PIH1D2: variants seen among roughly 807,000 people sequenced by gnomAD.
PIH1D2 encodes PIH1 domain containing 2.
PIH1D2 carries 25 observed loss-of-function variants against 31.2 expected under a neutral mutation model. The ratio of observed to expected loss-of-function variants is 0.80; its 90% confidence interval spans 0.58 to 1.12. The LOEUF (loss-of-function observed/expected upper bound fraction) is 1.12, where lower values mean the gene tolerates loss of function less well. Ranked by LOEUF, PIH1D2 falls within the 50% of genes most tolerant of loss-of-function variation. The pLI, the probability that PIH1D2 is intolerant of heterozygous loss-of-function variation, is 0.00. For synonymous variants in PIH1D2, 116 were observed against 119.9 expected (o/e 0.97, Z 0.21); for missense variants, 310 against 356.6 (o/e 0.87, Z 1.05).
chr11:112,070,944 C>T, intron 4 of PIH1D2, 94 bp downstream of exon 4: 1 of 1,388,416 alleles, frequency 7.2e-7, no homozygotes, highest in Non-Finnish European at 9.6e-7. Context: ...AGTTTTTCAC[C>T]TTTTAAAATA....
chr11:112,064,292 CTA>C (rs1272208606), downstream of PIH1D2: 32 of 1,317,282 alleles, frequency 2.4e-5, no homozygotes, highest in Non-Finnish European at 2.9e-5. Context: ...GAGCTATAAT[CTA>C]AATCGATTCA....
chr11:112,064,209 G>A, downstream of PIH1D2: 1 of 1,565,818 alleles, frequency 6.4e-7, no homozygotes, highest in Non-Finnish European at 8.6e-7. Context: ...AATGCTTGTG[G>A]TTCTGTTGTT....
downstream of PIH1D2, among the ~76,000 whole-genome samples, chr11:112,058,600 C>T (rs1206398643): frequency 1.5e-4 from 5 of 34,320 alleles, no homozygotes; most frequent in African/African-American, 4.5e-4. Context: ...TTGTGAACTT[C>T]AGTTGGGGTG....
At position 112,067,842 on chromosome 11, in the gene PIH1D2, G is replaced by A. The variant is rs1336291177; in HGVS notation, c.*29C>T. The A allele has an allele frequency of 1.2e-6, 2 of 1,609,984 alleles. No individual in the cohort carries two copies. The highest frequency in any genetic ancestry group is 1.7e-6 in the Non-Finnish European group (2 of 1,178,896). On this transcript the variant is annotated 3_prime_UTR_variant, in exon 6 of 6. Coordinates refer to ENST00000280350, the MANE Select transcript of PIH1D2 (RefSeq NM_138789.4). ...CTTTAATTCACATGACTTTAGCACT[G>A]AAAACCCAAAACATATGATGCTCTT...
intron 5 of PIH1D2, among the ~76,000 whole-genome samples, chr11:112,068,217 A>G (rs587686903): frequency 6.6e-6 from 1 of 152,334 alleles, no homozygotes; most frequent in East Asian, 1.9e-4. Flanking sequence ...GTACCACAGT[A>G]GAGTGTTGCC....
At chr11:112,065,992 T>C (rs1864911953), downstream of PIH1D2, among the ~76,000 whole-genome samples, 1 of 151,128 alleles carries the variant, frequency 6.6e-6, no homozygotes, top group Admixed American at 6.6e-5. Context: ...AGCGAGACTC[T>C]GTCAAAAAAA....
downstream of PIH1D2, among the ~76,000 whole-genome samples, chr11:112,059,309 G>C (rs1468047772): frequency 6.6e-6 from 1 of 151,478 alleles, no homozygotes; most frequent in Non-Finnish European, 1.5e-5. Flanking sequence ...GATGTTAGAC[G>C]ATATGTGCGA....
downstream of PIH1D2, among the ~76,000 whole-genome samples, chr11:112,065,562 CA>C (rs1555183750): frequency 6.6e-6 from 1 of 151,780 alleles, no homozygotes; most frequent in East Asian, 1.9e-4. Context: ...GATACAGTTC[CA>C]GAAATTTTTC....
the PIH1D2 span, among the ~76,000 whole-genome samples, chr11:112,053,420 A>G: frequency 6.6e-6 from 1 of 152,132 alleles, no homozygotes; most frequent in African/African-American, 2.4e-5. Flanking sequence ...GTCAGTTCCC[A>G]GGAGGCAAAC....
intron 5 of PIH1D2, 47 bp downstream of exon 5, chr11:112,070,389 G>C: frequency 1.3e-6 from 2 of 1,580,566 alleles, no homozygotes; most frequent in African/African-American, 1.4e-5. Flanking sequence ...ATATATGTTA[G>C]TGAATGCTGG....
At chr11:112,069,675 T>G (rs1357153526) in intron 5 of PIH1D2, 6 of 152,138 alleles carry the variant, frequency 3.9e-5, no homozygotes, top group Non-Finnish European at 8.8e-5. Context: ...AAAATGGAAC[T>G]GGGGAGCTAG....
Position 112,067,888 on chromosome 11 carries a change from T to C in PIH1D2, c.931A>G (p.Thr311Ala), listed in dbSNP as rs1021486443. The change falls in exon 6 of 6, where the codon ACA becomes GCA. Residue 311 changes from threonine (T) to alanine (A), a missense_variant. Thr to Ala is a moderately conservative substitution (Grantham distance 58). Transcript: ENST00000280350. ...FIKEKSTLIITMPLV is the reference protein window; with the variant it reads ...FIKEKSTLIIAMPLV ...CTCTTCTTTCACACCAAAGGCATTG[T>C]GATGATTAGCGTGGATTTTTCTTTG... The C allele has an allele frequency of 1.9e-6, 3 of 1,612,342 alleles. No individual in the cohort carries two copies. The African/African-American group carries it at 4.0e-5, about 22-fold the overall frequency.
At chr11:112,060,198 G>C (rs1445879181), downstream of PIH1D2, 1 of 745,846 alleles carries the variant, frequency 1.3e-6, no homozygotes, top group African/African-American at 2.3e-5. Context: ...GAGTCTCTCT[G>C]TCACCCAGGC....
intron 3 of PIH1D2, 130 bp from the exon 4 acceptor site, chr11:112,071,413 G>T: frequency 7.6e-7 from 1 of 1,314,240 alleles, no homozygotes; most frequent in Non-Finnish European, 1.0e-6. Flanking sequence ...GGTAATCACA[G>T]TAGTGCTACA....
intron 4 of PIH1D2, 51 bp downstream of exon 4, chr11:112,070,987 C>G (rs1865091264): frequency 6.4e-7 from 1 of 1,566,738 alleles, no homozygotes; most frequent in African/African-American, 1.4e-5. Context: ...TATACAGGAT[C>G]CAAAAACATC....
At chr11:112,058,953 A>G (rs1312486161), downstream of PIH1D2, among the ~76,000 whole-genome samples, 1 of 151,946 alleles carries the variant, frequency 6.6e-6, no homozygotes, top group African/African-American at 2.4e-5. Flanking sequence ...GAGTATTTTC[A>G]GTGTTAAAAA....
chr11:112,054,391 G>A, the PIH1D2 span, among the ~76,000 whole-genome samples: 1 of 152,096 alleles, frequency 6.6e-6, no homozygotes, highest in East Asian at 1.9e-4. Context: ...TGTGTGTCCA[G>A]TGTTAATATT....
downstream of PIH1D2, chr11:112,064,358 T>C (rs1158001514): frequency 5.7e-6 from 4 of 698,026 alleles, no homozygotes; most frequent in African/African-American, 5.5e-5. Context: ...TTGGTTCATA[T>C]GATTATTTAA....
downstream of PIH1D2, among the ~76,000 whole-genome samples, chr11:112,066,269 C>G (rs369050271): frequency 1.3e-3 from 199 of 152,286 alleles, no homozygotes; most frequent in Non-Finnish European, 2.1e-3. Flanking sequence ...ATGTACATCA[C>G]TTTTGTACTT....
Sources: allele counts gnomAD v4.1 joint callset (sites outside exome capture counted in the v4.1 genomes callset), GRCh38; gene constraint gnomAD v4.1.1; transcripts MANE v1.5; gene names NCBI Gene and HGNC (gene_info 2026-07-23, HGNC 2026-07-21).